KPNA5: variants seen among roughly 807,000 people sequenced by gnomAD.
KPNA5 encodes karyopherin subunit alpha 5.
A neutral mutation model predicts 71.3 loss-of-function variants in KPNA5; 46 were observed. The ratio of observed to expected loss-of-function variants is 0.65; its 90% CI spans 0.51 to 0.83. KPNA5 has a LOEUF of 0.83. KPNA5 is among the 40% of genes least tolerant of loss of function. The pLI is 0.00. For synonymous variants in KPNA5, 207 were observed against 201.4 expected (o/e 1.03, Z -0.24); for missense variants, 547 against 628.3 (o/e 0.87, Z 1.38).
At chr6:116,715,675 T>C (rs549192581) in intron 7 of KPNA5, among the ~76,000 whole-genome samples, 25 of 152,256 alleles carry the variant, frequency 1.6e-4, no homozygotes, top group Admixed American at 1.6e-3. Context: ...CCTAGCACTT[T>C]GGGAGCCTGA....
In KPNA5 at chr6:116,740,273, G is replaced by T. The variant is rs1307285316; in HGVS notation, c.*7950G>T. On this transcript the variant is annotated 3_prime_UTR_variant, in exon 14 of 14. Transcript: ENST00000368564. ...CACCATCACTGGCCATCAGACAAAT[G>T]CAAATCAAAACCACAATGAGATACC... 6.6e-6 allele frequency: 1 copy of T among 152,156 alleles called. No homozygotes were observed. Among genetic ancestry groups the T allele is most frequent in the African/African-American group, 2.4e-5 (1 of 41,436 alleles). 9.4% of individuals were successfully genotyped at this position (152,156 alleles called of 1,614,324 possible). A position where few individuals can be genotyped will look rare whatever the true frequency, so the allele number is the denominator to read the frequency against.
Position 116,681,351 on chromosome 6 carries a change from G to T in KPNA5, c.4+13G>T. ...GCCACATTAATGGGTAAGTTGGAGT[G>T]AACACGGGCTAGGTTGGGGGAGCCT... On this transcript the variant is annotated intron_variant, in intron 1 of 13. Transcript: ENST00000368564. 1 of 1,594,762 alleles carries T rather than the reference G, an allele frequency of 6.3e-7. No homozygotes were observed. Among genetic ancestry groups the T allele is most frequent in the South Asian group, 1.1e-5 (1 of 89,752 alleles).
At chr6:116,725,503 A>G (rs564703963) in intron 10 of KPNA5, among the ~76,000 whole-genome samples, 84 of 152,314 alleles carry the variant, frequency 5.5e-4, no homozygotes, top group Admixed American at 1.4e-3. Context: ...ACATTTGTAA[A>G]TATGAAGGAT....
intron 2 of KPNA5, among the ~76,000 whole-genome samples, chr6:116,691,393 A>G (rs184565266): frequency 2.1e-3 from 320 of 152,258 alleles, no homozygotes; most frequent in African/African-American, 7.5e-3. Context: ...AGCTGAGACC[A>G]GAGGCACGTG....
At chr6:116,710,361 A>G (rs997532638) in intron 7 of KPNA5, among the ~76,000 whole-genome samples, 1 of 152,080 alleles carries the variant, frequency 6.6e-6, no homozygotes, top group African/African-American at 2.4e-5. Flanking sequence ...TGCTATCCTC[A>G]TAGAATTGAT....
intron 1 of KPNA5, among the ~76,000 whole-genome samples, 178 bp from the exon 2 acceptor site, chr6:116,689,142 C>T (rs955127688): frequency 1.3e-5 from 2 of 152,106 alleles, no homozygotes. Flanking sequence ...AATATGTGGT[C>T]ATTTTGCTCT....
intron 5 of KPNA5, among the ~76,000 whole-genome samples, chr6:116,701,701 C>T (rs1291550914): frequency 6.6e-6 from 1 of 152,076 alleles, no homozygotes; most frequent in Non-Finnish European, 1.5e-5. Context: ...ATGCTTGCCT[C>T]TGTAATAATA....
At chr6:116,684,571 T>G (rs1777496789) in intron 1 of KPNA5, among the ~76,000 whole-genome samples, 1 of 152,218 alleles carries the variant, frequency 6.6e-6, no homozygotes, top group African/African-American at 2.4e-5. Flanking sequence ...GACTCTTAAT[T>G]TCTTCCTTAT....
At chr6:116,722,748 GGCTGTTATA>G (rs2114487361) in intron 9 of KPNA5, among the ~76,000 whole-genome samples, 1 of 152,010 alleles carries the variant, frequency 6.6e-6, no homozygotes, top group South Asian at 2.1e-4. Flanking sequence ...CTCTTTGCTG[GGCTGTTATA>G]GCTATTTTCC....
chr6:116,706,638 G>A (rs188754090), intron 7 of KPNA5, among the ~76,000 whole-genome samples: 39 of 151,828 alleles, frequency 2.6e-4, no homozygotes, highest in African/African-American at 8.9e-4. Context: ...GTGGTGACCT[G>A]AGATCATGCC....
intron 8 of KPNA5, among the ~76,000 whole-genome samples, chr6:116,719,603 T>G (rs1779029218): frequency 6.6e-6 from 1 of 152,050 alleles, no homozygotes; most frequent in Non-Finnish European, 1.5e-5. Context: ...TCCTAGCACT[T>G]TGGGAGGCTG....
At position 116,722,403 on chromosome 6, in the gene KPNA5, GCTACTGACCCAACA is replaced by G. The variant is rs980472756; in HGVS notation, c.920+117_920+130del. On this transcript the variant is annotated intron_variant, in intron 9 of 13. Coordinates refer to ENST00000368564, the MANE Select transcript of KPNA5 (RefSeq NM_001366306.2). Reference sequence around the variant, plus strand: ...CACTGTCTTCAGGGAAAATTAAAAAGCTACTGACCCAACACTTAACAGAATAGCCATAATCCTAG... The same window carrying G: ...CACTGTCTTCAGGGAAAATTAAAAAGCTTAACAGAATAGCCATAATCCTAG... 6 of 879,616 alleles carry G rather than the reference GCTACTGACCCAACA, an allele frequency of 6.8e-6. No homozygotes were observed. The Admixed American group carries it at 2.0e-4, about 29-fold the overall frequency. 54.5% of individuals were successfully genotyped at this position (879,616 alleles called of 1,614,324 possible).
rs1484220594 is a variant in KPNA5 at position 116,737,742 on chromosome 6, T to C, written c.*5419T>C. 6.6e-6 allele frequency: 1 copy of C among 152,000 alleles called. No individual in the cohort carries two copies. Among genetic ancestry groups the C allele is most frequent in the East Asian group, 1.9e-4 (1 of 5,196 alleles). The allele number at this position is 152,000 out of a possible 1,614,324, so 9.4% of individuals were successfully genotyped here. On this transcript the variant is annotated 3_prime_UTR_variant, in exon 14 of 14. Transcript: ENST00000368564. ...AAGCAGAAGTTAGCATACCAATCTA[T>C]GTTCTTTTTAAAATCTCTGTTTAAT... is the stretch of plus-strand genomic sequence containing the variant.
intron 7 of KPNA5, among the ~76,000 whole-genome samples, chr6:116,708,368 A>G (rs1318470926): frequency 1.3e-5 from 2 of 152,172 alleles, no homozygotes; most frequent in Non-Finnish European, 2.9e-5. Context: ...TGTCCTAGCA[A>G]TGTATGAGTG....
chr6:116,729,183 G>C (rs1382272581), intron 12 of KPNA5, among the ~76,000 whole-genome samples: 7 of 146,020 alleles, frequency 4.8e-5, no homozygotes, highest in African/African-American at 1.0e-4. Flanking sequence ...GTGTGTGTGT[G>C]TGTGTGTGTG....
intron 4 of KPNA5, among the ~76,000 whole-genome samples, chr6:116,698,158 A>G (rs958540464): frequency 6.6e-6 from 1 of 152,028 alleles, no homozygotes; most frequent in African/African-American, 2.4e-5. Context: ...TCTGGATTTT[A>G]TATAAGCTTC....
At chr6:116,704,152 C>T (rs1450009503) in intron 6 of KPNA5, among the ~76,000 whole-genome samples, 1 of 152,080 alleles carries the variant, frequency 6.6e-6, no homozygotes, top group African/African-American at 2.4e-5. Flanking sequence ...AGTTCTTATG[C>T]TTCAGCCTCC....
intron 1 of KPNA5, among the ~76,000 whole-genome samples, chr6:116,685,459 C>T (rs988554111): frequency 1.3e-5 from 2 of 152,162 alleles, no homozygotes; most frequent in Non-Finnish European, 2.9e-5. Flanking sequence ...CCGGTAGGCC[C>T]CCAGTGTCTG....
intron 1 of KPNA5, among the ~76,000 whole-genome samples, chr6:116,686,569 C>T (rs1029806228): frequency 1.3e-5 from 2 of 152,132 alleles, no homozygotes; most frequent in African/African-American, 4.8e-5. Flanking sequence ...TCCCATTTGT[C>T]AATTTTTGCT....
Sources: allele counts gnomAD v4.1 joint callset (sites outside exome capture counted in the v4.1 genomes callset), GRCh38; gene constraint gnomAD v4.1.1; transcripts MANE v1.5; gene names NCBI Gene and HGNC (gene_info 2026-07-23, HGNC 2026-07-21).